Variants in KLF12 observed in about 807,000 individuals in gnomAD.
KLF12 encodes KLF transcription factor 12.
A neutral mutation model predicts 37.8 loss-of-function variants in KLF12; 9 were observed. That is an observed-to-expected ratio of 0.24 (90% CI 0.14 to 0.42). KLF12 has a LOEUF of 0.42. Ranked by LOEUF, KLF12 falls within the 10% of genes least tolerant of loss-of-function variation. The pLI, the probability that KLF12 is intolerant of heterozygous loss-of-function variation, is 1.00. For missense variants in KLF12, 411 were observed against 516.0 expected (o/e 0.80, Z 1.97); for synonymous variants, 208 against 202.1 (o/e 1.03, Z -0.25).
At chr13:74,100,406 T>C (rs1284204342) in intron 1 of KLF12, among the ~76,000 whole-genome samples, 1 of 151,980 alleles carries the variant, frequency 6.6e-6, no homozygotes, top group African/African-American at 2.4e-5. Context: ...TCACTTGAGG[T>C]CAAGCATTCA....
the KLF12 span, among the ~76,000 whole-genome samples, chr13:74,240,281 T>A: frequency 7.1e-6 from 1 of 140,452 alleles, no homozygotes; most frequent in Non-Finnish European, 1.5e-5. Flanking sequence ...CCCCACTCTC[T>A]TCTGGCTTGT....
At chr13:74,244,102 C>T in the KLF12 span, among the ~76,000 whole-genome samples, 2 of 152,110 alleles carry the variant, frequency 1.3e-5, no homozygotes, top group African/African-American at 2.4e-5. Flanking sequence ...TAACCTCAAA[C>T]CTTTAGAGTG....
chr13:73,873,922 G>C (rs1437772845), intron 3 of KLF12, among the ~76,000 whole-genome samples: 2 of 151,636 alleles, frequency 1.3e-5, no homozygotes, highest in Non-Finnish European at 2.9e-5. Context: ...TAAACATATG[G>C]CACTACTCAA....
chr13:74,071,409 G>A (rs1045455975), intron 1 of KLF12, among the ~76,000 whole-genome samples: 7 of 152,108 alleles, frequency 4.6e-5, no homozygotes, highest in Non-Finnish European at 8.8e-5. Flanking sequence ...GACTGGGGCC[G>A]GGCGCAGTGG....
chr13:74,249,160 T>A, the KLF12 span, among the ~76,000 whole-genome samples: 2 of 152,116 alleles, frequency 1.3e-5, no homozygotes, highest in African/African-American at 4.8e-5. Context: ...TCAAGATTTT[T>A]TTTTTAATTT....
chr13:74,044,983 T>C (rs1893502542), intron 1 of KLF12, among the ~76,000 whole-genome samples: 1 of 151,864 alleles, frequency 6.6e-6, no homozygotes, highest in Admixed American at 6.6e-5. Flanking sequence ...GATATAAAAA[T>C]GATGTGATAG....
At position 73,695,544 on chromosome 13, in the gene KLF12, G is replaced by A. The variant is rs1874084931; in HGVS notation, c.1155C>T (p.Ser385=). 1 of 1,613,992 alleles carries A rather than the reference G, an allele frequency of 6.2e-7. No individual in the cohort carries two copies. The highest frequency in any genetic ancestry group is 8.5e-7 in the Non-Finnish European group (1 of 1,179,976). The change falls in exon 8 of 8, where the codon AGC becomes AGT. Residue 385 remains serine (S), a synonymous_variant. Coordinates refer to ENST00000377669, the MANE Select transcript of KLF12 (RefSeq NM_007249.5). ...GGGCCAAATGATCTGACCGGGAAAA[G>A]CTGCGATCACAGTCCGCGCACTTGA...
chr13:73,874,903 C>T (rs948210568), intron 3 of KLF12, among the ~76,000 whole-genome samples: 5 of 151,906 alleles, frequency 3.3e-5, no homozygotes, highest in Non-Finnish European at 7.4e-5. Flanking sequence ...TAGCTCTTTG[C>T]CCTTACAAAG....
At chr13:74,007,131 C>T (rs982966828) in intron 1 of KLF12, among the ~76,000 whole-genome samples, 2 of 152,102 alleles carry the variant, frequency 1.3e-5, no homozygotes, top group African/African-American at 4.8e-5. Flanking sequence ...AAAATCAACA[C>T]AGCCAACTAT....
At chr13:73,726,861 C>A (rs999760171) in intron 6 of KLF12, among the ~76,000 whole-genome samples, 5 of 152,142 alleles carry the variant, frequency 3.3e-5, no homozygotes, top group Admixed American at 3.3e-4. Context: ...TAAGGAATTG[C>A]CAGACTGTTT....
intron 3 of KLF12, among the ~76,000 whole-genome samples, chr13:73,847,990 T>C (rs1885120639): frequency 6.6e-6 from 1 of 152,186 alleles, no homozygotes; most frequent in Non-Finnish European, 1.5e-5. Context: ...AGAAATTCTT[T>C]GCTTAGGTTG....
chr13:73,915,123 GCTC>G (rs1159999360), intron 3 of KLF12, among the ~76,000 whole-genome samples: 5 of 152,094 alleles, frequency 3.3e-5, no homozygotes, highest in African/African-American at 1.2e-4. Flanking sequence ...GTATTCCCTG[GCTC>G]CTGTCTGCGT....
At chr13:73,826,502 C>G (rs889877157) in intron 4 of KLF12, among the ~76,000 whole-genome samples, 1 of 152,158 alleles carries the variant, frequency 6.6e-6, no homozygotes, top group Non-Finnish European at 1.5e-5. Context: ...TCCAGGCTTA[C>G]ATAAAATGGC....
chr13:74,217,730 A>C, the KLF12 span, among the ~76,000 whole-genome samples: 2 of 152,238 alleles, frequency 1.3e-5, no homozygotes, highest in African/African-American at 4.8e-5. Context: ...CCGTCTCAAA[A>C]AAACAAAACA....
chr13:73,739,843 A>G (rs1282165134), intron 6 of KLF12, among the ~76,000 whole-genome samples: 1 of 152,274 alleles, frequency 6.6e-6, no homozygotes, highest in African/African-American at 2.4e-5. Flanking sequence ...TGGGTTTAGC[A>G]CATTCTTGGA....
At chr13:74,156,722 A>G in the KLF12 span, among the ~76,000 whole-genome samples, 1 of 150,642 alleles carries the variant, frequency 6.6e-6, no homozygotes, top group South Asian at 2.1e-4. Flanking sequence ...AGAACATGTG[A>G]TATTTGTCTT....
intron 3 of KLF12, among the ~76,000 whole-genome samples, chr13:73,938,103 CCT>C (rs1286570082): frequency 1.3e-5 from 2 of 152,152 alleles, no homozygotes; most frequent in Non-Finnish European, 2.9e-5. Context: ...AACGCTGGCC[CCT>C]GTTCCACAGC....
intron 3 of KLF12, among the ~76,000 whole-genome samples, chr13:73,876,018 C>T (rs893626747): frequency 6.6e-6 from 1 of 152,160 alleles, no homozygotes; most frequent in Middle Eastern, 3.4e-3. Context: ...GAATTAGATT[C>T]TTGTATTAAT....
At chr13:73,927,951 G>A (rs919239719) in intron 3 of KLF12, among the ~76,000 whole-genome samples, 3 of 151,614 alleles carry the variant, frequency 2.0e-5, no homozygotes, top group East Asian at 1.9e-4. Flanking sequence ...TCCGCCTCCC[G>A]GGTTCAAGTG....
Sources: gnomAD v4.1 joint callset for allele counts (sites outside exome capture counted in the v4.1 genomes callset) on GRCh38, gnomAD v4.1.1 for gene constraint, MANE v1.5 for transcripts, NCBI Gene and HGNC (gene_info 2026-07-23, HGNC 2026-07-21) for gene names.